The following GCNT3 variants were observed in gnomAD, a reference collection of about 807,000 sequenced individuals.
GCNT3 encodes glucosaminyl (N-acetyl) transferase 3, mucin type.
For missense variants in GCNT3, 708 were observed against 530.3 expected (o/e 1.34, Z -3.29); for synonymous variants, 269 against 195.2 (o/e 1.38, Z -3.15).
intron 2 of GCNT3, among the ~76,000 whole-genome samples, chr15:59,617,170 C>CTTTTTTTTTTTTTTTT (rs373439386): frequency 2.4e-5 from 2 of 82,342 alleles, no homozygotes; most frequent in South Asian, 4.2e-4. Flanking sequence ...CTTTTGTTTT[C>CTTTTTTTTTTTTTTTT]TTTCTTTCTT....
chr15:59,618,144 T>A (rs2082728054), intron 2 of GCNT3, 35 bp from the exon 3 acceptor site: 1 of 682,710 alleles, frequency 1.5e-6, no homozygotes, highest in Admixed American at 2.5e-5. Context: ...TGGGAATGAT[T>A]GGTTTGTAAC....
Position 59,619,759 on chromosome 15 carries a change from C to T in GCNT3, c.*204C>T, listed in dbSNP as rs1024908076. ...GGTGAATGCTGCTTGTTCTCTCACC[C>T]CTAACCCTAGTAGTTCCTCCACTAA... is the stretch of plus-strand genomic sequence containing the variant. On this transcript the variant is annotated 3_prime_UTR_variant, in exon 3 of 3. Coordinates refer to ENST00000396065, the MANE Select transcript of GCNT3 (RefSeq NM_004751.3). 1 of 531,528 alleles carries T rather than the reference C, an allele frequency of 1.9e-6. No individual in the cohort carries two copies. The highest frequency in any genetic ancestry group is 1.9e-5 in the African/African-American group (1 of 52,746). 32.9% of individuals were successfully genotyped at this position (531,528 alleles called of 1,614,324 possible).
chr15:59,613,877 C>T (rs1595654688), intron 1 of GCNT3, among the ~76,000 whole-genome samples: 1 of 152,122 alleles, frequency 6.6e-6, no homozygotes, highest in Non-Finnish European at 1.5e-5. Context: ...ATTAGCTGGG[C>T]ATGGTGGCTT....
chr15:59,618,314 G>T lies in GCNT3; in HGVS notation c.76G>T (p.Ala26Ser). Residue 26 changes from alanine (A) to serine (S), a missense_variant, in exon 3 of 3, where the codon GCT (alanine) becomes TCT (serine). Coordinates refer to ENST00000396065, the MANE Select transcript of GCNT3 (RefSeq NM_004751.3). ...CTGCTATATGCTGCTGGCCACTGTGGCTCTGAAACTTTCTTTCAGGTTGAA... is the reference window on the plus strand; with the variant it reads ...CTGCTATATGCTGCTGGCCACTGTGTCTCTGAAACTTTCTTTCAGGTTGAA... The part of the protein sequence containing the change: ...LGCYMLLATV[A>S]LKLSFRLKCD... 2 of 1,613,584 alleles carry T rather than the reference G, an allele frequency of 1.2e-6. No homozygotes were observed. Among genetic ancestry groups the T allele is most frequent in the Non-Finnish European group, 1.7e-6 (2 of 1,179,828 alleles).
intron 1 of GCNT3, among the ~76,000 whole-genome samples, chr15:59,616,202 G>T (rs184603552): frequency 7.1e-4 from 108 of 152,292 alleles, no homozygotes; most frequent in Non-Finnish European, 1.3e-3. Context: ...ACAGGCAAAT[G>T]GATGTTTTCT....
chr15:59,614,569 T>A (rs1314490234), intron 1 of GCNT3, among the ~76,000 whole-genome samples: 2 of 152,212 alleles, frequency 1.3e-5, no homozygotes, highest in Non-Finnish European at 2.9e-5. Context: ...GGTATCTTCC[T>A]GTTGTTGCCA....
At chr15:59,617,414 T>C (rs375844621) in intron 2 of GCNT3, among the ~76,000 whole-genome samples, 7 of 152,316 alleles carry the variant, frequency 4.6e-5, no homozygotes, top group African/African-American at 1.7e-4. Flanking sequence ...ATTTAGCTTC[T>C]GTTTTCCTAT....
At position 59,618,272 on chromosome 15, in the gene GCNT3, T is replaced by C; in HGVS notation, c.34T>C (p.Tyr12His). ...VQWKRLCQLH[Y>H]LWALGCYMLL... ...ATGGAAGAGACTCTGCCAGCTGCAT[T>C]ACTTGTGGGCTCTGGGCTGCTATAT... Residue 12 changes from tyrosine to histidine, a missense_variant, in exon 3 of 3, where the codon TAC becomes CAC. Coordinates refer to ENST00000396065, the MANE Select transcript of GCNT3 (RefSeq NM_004751.3). 1 of 1,591,846 alleles carries C rather than the reference T, an allele frequency of 6.3e-7. No individual in the cohort carries two copies. Among genetic ancestry groups the C allele is most frequent in the South Asian group, 1.1e-5 (1 of 88,336 alleles).
rs1324015468 is a variant in GCNT3 at position 59,619,462 on chromosome 15, G to T, written c.1224G>T (p.Leu408Phe). Residue 408 changes from leucine (L) to phenylalanine (F), a missense_variant, in exon 3 of 3, where the codon TTG (leucine) becomes TTT (phenylalanine). Leu to Phe is a conservative substitution (Grantham distance 22). Coordinates refer to ENST00000396065, the MANE Select transcript of GCNT3 (RefSeq NM_004751.3). ...GGATGCTTCAAAACCATCACCTGTT[G>T]GCCAACAAGTTTGACCCAAAGGTAG... is the stretch of plus-strand genomic sequence containing the variant. The part of the protein sequence containing the change: ...LNWMLQNHHL[L>F]ANKFDPKVDD... 1 of 1,614,092 alleles carries T rather than the reference G, an allele frequency of 6.2e-7. No individual in the cohort carries two copies. Among genetic ancestry groups the T allele is most frequent in the South Asian group, 1.1e-5 (1 of 91,076 alleles).
Position 59,619,598 on chromosome 15 carries a change from TACAA to T in GCNT3, c.*47_*50del. 10 of 1,269,364 alleles carry T rather than the reference TACAA, an allele frequency of 7.9e-6. No individual in the cohort carries two copies. Among genetic ancestry groups the T allele is most frequent in the Non-Finnish European group, 1.0e-5 (9 of 890,346 alleles). 78.6% of individuals were successfully genotyped at this position (1,269,364 alleles called of 1,614,324 possible). A position where few individuals can be genotyped will look rare whatever the true frequency, so the allele number is the denominator to read the frequency against. On this transcript the variant is annotated 3_prime_UTR_variant, in exon 3 of 3. Coordinates refer to ENST00000396065, the MANE Select transcript of GCNT3 (RefSeq NM_004751.3). The stretch of plus-strand genomic sequence containing the variant: ...TTGCTACCTGTGGGGCAAGAGCATG[TACAA>T]ACATGCTCAGAACTTGCTGGGACAG...
At chr15:59,612,590 G>T (rs982340861) in intron 1 of GCNT3, among the ~76,000 whole-genome samples, 5 of 152,146 alleles carry the variant, frequency 3.3e-5, no homozygotes, top group African/African-American at 1.2e-4. Flanking sequence ...CCAGGTTTCA[G>T]TTTTTGCCTT....
chr15:59,617,552 A>G (rs535773850), intron 2 of GCNT3, among the ~76,000 whole-genome samples: 5 of 152,330 alleles, frequency 3.3e-5, no homozygotes, highest in African/African-American at 1.2e-4. Flanking sequence ...CTTGTGTGCA[A>G]GTATATTTTA....
At chr15:59,612,151 C>A (rs531570561) in intron 1 of GCNT3, among the ~76,000 whole-genome samples, 170 bp downstream of exon 1, 1 of 152,212 alleles carries the variant, frequency 6.6e-6, no homozygotes, top group Admixed American at 6.5e-5. Context: ...TCTCTCAGCA[C>A]CACCTTGATG....
At position 59,621,687 on chromosome 15, in the gene GCNT3, CTGG is replaced by C. The variant is rs1483400050; in HGVS notation, c.*2133_*2135del. 6.7e-6 allele frequency: 1 copy of C among 149,438 alleles called. No homozygotes were observed. Among genetic ancestry groups the C allele is most frequent in the African/African-American group, 2.5e-5 (1 of 40,488 alleles). The allele number at this position is 149,438 out of a possible 1,614,324, so 9.3% of individuals were successfully genotyped here. On this transcript the variant is annotated 3_prime_UTR_variant, in exon 3 of 3. Coordinates refer to ENST00000396065, the MANE Select transcript of GCNT3 (RefSeq NM_004751.3). ...CTTGGCTCATTACAACCTCCGCCTC[CTGG>C]GTCCAAGCGATTCTCCTGCCTCAGC...
intron 1 of GCNT3, among the ~76,000 whole-genome samples, chr15:59,614,484 T>C (rs575847040): frequency 1.8e-4 from 27 of 152,224 alleles, no homozygotes; most frequent in African/African-American, 6.5e-4. Flanking sequence ...TGGTTGCCCA[T>C]TTTAATGGTT....
chr15:59,615,414 C>T (rs528350849), intron 1 of GCNT3, among the ~76,000 whole-genome samples: 1 of 152,264 alleles, frequency 6.6e-6, no homozygotes, highest in South Asian at 2.1e-4. Context: ...TGAGTTTCAG[C>T]TTCTTCGGTG....
At position 59,619,146 on chromosome 15, in the gene GCNT3, G is replaced by A. The variant is rs756180187; in HGVS notation, c.908G>A (p.Arg303Gln). The A allele has an allele frequency of 1.8e-5, 29 of 1,614,072 alleles. No individual in the cohort carries two copies. Among genetic ancestry groups the A allele is most frequent in the Admixed American group, 6.7e-5 (4 of 60,014 alleles). The change falls in exon 3 of 3, where the codon CGA becomes CAA. Residue 303 changes from arginine (R) to glutamine (Q), a missense_variant. Arg to Gln is a conservative substitution (Grantham distance 43). Transcript: ENST00000396065. ...GGGAATGCGTACATTGTGGCTTCCC[G>A]AGATTTCGTCCAACATGTTTTGAAG... Reference protein sequence around the residue: ...FTGNAYIVASRDFVQHVLKNP... With the variant: ...FTGNAYIVASQDFVQHVLKNP...
At chr15:59,617,720 C>CA in intron 2 of GCNT3, among the ~76,000 whole-genome samples, 2 of 152,218 alleles carry the variant, frequency 1.3e-5, no homozygotes, top group East Asian at 3.9e-4. Context: ...TATAAATTGC[C>CA]AAAATAGAAG....
In GCNT3 at chr15:59,618,470, C is replaced by A; in HGVS notation, c.232C>A (p.Gln78Lys). The A allele has an allele frequency of 2.5e-6, 4 of 1,614,040 alleles. No homozygotes were observed. Among genetic ancestry groups the A allele is most frequent in the Non-Finnish European group, 3.4e-6 (4 of 1,179,942 alleles). The change falls in exon 3 of 3, where the codon CAA becomes AAA. Residue 78 changes from glutamine to lysine, a missense_variant. Coordinates refer to ENST00000396065, the MANE Select transcript of GCNT3 (RefSeq NM_004751.3). ...INCSGVTRGD[Q>K]EAVLQAILNN... is the part of the protein sequence containing the mutation. ...CTGTTCAGGGGTCACCCGAGGGGAC[C>A]AAGAGGCAGTGCTTCAGGCTATTCT...
Sources: gnomAD v4.1 joint callset for allele counts (sites outside exome capture counted in the v4.1 genomes callset) on GRCh38, gnomAD v4.1.1 for gene constraint, MANE v1.5 for transcripts, NCBI Gene and HGNC (gene_info 2026-07-23, HGNC 2026-07-21) for gene names.